CIT: variants seen among roughly 807,000 people sequenced by gnomAD.
CIT encodes the protein citron rho-interacting serine/threonine kinase.
A neutral mutation model predicts 272.7 loss-of-function variants in CIT; 79 were observed. The ratio of observed to expected loss-of-function variants is 0.29; its 90% CI spans 0.24 to 0.35. The LOEUF is 0.35. CIT is among the 10% of genes least tolerant of loss of function. The pLI, the probability that CIT is intolerant of heterozygous loss-of-function variation, is 1.00. For missense variants in CIT, 1,909 were observed against 2,618.3 expected, an observed-to-expected ratio of 0.73 and a Z score of 5.91; for synonymous variants, 948 against 995.6, an observed-to-expected ratio of 0.95 and a Z score of 0.90.
intron 9 of CIT, among the ~76,000 whole-genome samples, chr12:119,813,973 T>G (rs1014904306): frequency 3.3e-5 from 5 of 152,180 alleles, no homozygotes; most frequent in Non-Finnish European, 7.3e-5. Context: ...TCCTTTCTGC[T>G]TTGGTCACTG....
At position 119,804,352 on chromosome 12, in the gene CIT, C is replaced by A. The variant is rs1966461881; in HGVS notation, c.1112-963G>T. 2 of 985,496 alleles carry A rather than the reference C, an allele frequency of 2.0e-6. No individual in the cohort carries two copies. Among genetic ancestry groups the A allele is most frequent in the South Asian group, 4.7e-5 (1 of 21,300 alleles). 61.0% of individuals were successfully genotyped at this position (985,496 alleles called of 1,614,324 possible). Reference sequence around the variant, plus strand: ...TGGTTGCAAGCTGAGGCGTCCGTGGCGGGCCAGCCAGGCGAGTTAGAGCCG... The same window carrying A: ...TGGTTGCAAGCTGAGGCGTCCGTGGAGGGCCAGCCAGGCGAGTTAGAGCCG... On this transcript the variant is annotated intron_variant, in intron 9 of 47. Coordinates refer to ENST00000392521, the MANE Select transcript of CIT (RefSeq NM_001206999.2). The surrounding 1 kb of genome is among the most constrained non-coding windows in gnomAD (Gnocchi z 5.3).
intron 7 of CIT, 27 bp downstream of exon 7, chr12:119,832,744 A>G (rs745862253): frequency 6.4e-7 from 1 of 1,563,118 alleles, no homozygotes; most frequent in Non-Finnish European, 8.8e-7. Flanking sequence ...TATAAACTCT[A>G]TTAAGCTATC....
chr12:119,855,419 A>T (rs1970521397), intron 4 of CIT, among the ~76,000 whole-genome samples: 1 of 151,932 alleles, frequency 6.6e-6, no homozygotes. Flanking sequence ...ACTCTGTCTC[A>T]AAATAAATAA....
chr12:119,806,092 G>T (rs1376783808), intron 9 of CIT, among the ~76,000 whole-genome samples: 1 of 136,926 alleles, frequency 7.3e-6, no homozygotes, highest in Non-Finnish European at 1.5e-5. Flanking sequence ...AGCCAAGATC[G>T]TGCCACTGCA....
chr12:119,854,329 C>A (rs910968620), intron 4 of CIT, among the ~76,000 whole-genome samples: 3 of 150,688 alleles, frequency 2.0e-5, no homozygotes, highest in Admixed American at 6.6e-5. Flanking sequence ...ACCCGGCCCA[C>A]AAAATTTTTT....
chr12:119,876,267 G>A (rs1950842450), intron 1 of CIT, 86 bp from the exon 2 acceptor site: 1 of 769,264 alleles, frequency 1.3e-6, no homozygotes, highest in East Asian at 2.7e-5. Context: ...AAGATATCAG[G>A]GACAAGGAGG....
intron 19 of CIT, among the ~76,000 whole-genome samples, chr12:119,765,224 G>A (rs1441978279): frequency 6.6e-6 from 1 of 151,684 alleles, no homozygotes; most frequent in African/African-American, 2.4e-5. Context: ...AAGCCCGGGA[G>A]ACCCCATCTC....
Position 119,714,302 on chromosome 12 carries a change from G to A in CIT, c.4201C>T (p.His1401Tyr). ...ACGTTGAATCGGTGAGGAATATTGT[G>A]GTGCATGCGTTCCTTAAGACGCCGA... The part of the protein sequence containing the change: ...FSRRLKERMH[H>Y]NIPHRFNVGL... Residue 1401 changes from histidine to tyrosine, a missense_variant, in exon 33 of 48, where the codon CAC (histidine) becomes TAC (tyrosine). Physicochemically the swap from His to Tyr is moderately conservative, Grantham distance 83. Coordinates refer to ENST00000392521, the MANE Select transcript of CIT (RefSeq NM_001206999.2). 1 of 1,613,990 alleles carries A rather than the reference G, an allele frequency of 6.2e-7. No homozygotes were observed. Among genetic ancestry groups the A allele is most frequent in the African/African-American group, 1.3e-5 (1 of 74,962 alleles).
At chr12:119,735,669 A>G (rs946703150) in intron 24 of CIT, among the ~76,000 whole-genome samples, 1 of 152,210 alleles carries the variant, frequency 6.6e-6, no homozygotes, top group Non-Finnish European at 1.5e-5. Context: ...TGACGGAAAT[A>G]ATATAATGTG....
At chr12:119,757,930 G>A (rs767666868) in intron 21 of CIT, among the ~76,000 whole-genome samples, 102 of 152,254 alleles carry the variant, frequency 6.7e-4, no homozygotes, top group Non-Finnish European at 1.3e-3. Flanking sequence ...AGGCCCTGGA[G>A]AAAAAGGACT....
Position 119,784,817 on chromosome 12 carries a change from C to T in CIT, c.1401+143G>A, listed in dbSNP as rs1234674920. 7 of 1,444,674 alleles carry T rather than the reference C, an allele frequency of 4.8e-6. No homozygotes were observed. Among genetic ancestry groups the T allele is most frequent in the Non-Finnish European group, 5.5e-6 (6 of 1,099,970 alleles). 89.5% of individuals were successfully genotyped at this position (1,444,674 alleles called of 1,614,324 possible). ...TCATCTCCCTCTGAGCTGCTGGAGG[C>T]GCGACTTCAGCGAAGGCAGGAGCGC... On this transcript the variant is annotated intron_variant, in intron 11 of 47. Coordinates refer to ENST00000392521, the MANE Select transcript of CIT (RefSeq NM_001206999.2). This position sits in a 1 kb window ranked among gnomAD's most constrained non-coding sequence, Gnocchi z 4.7.
rs574700924 is a variant in CIT, at chr12:119,701,705, C to G, written c.5461G>C (p.Ala1821Pro). 2 of 1,614,186 alleles carry G rather than the reference C, an allele frequency of 1.2e-6. No homozygotes were observed. The highest frequency in any genetic ancestry group is 1.7e-5 in the Admixed American group (1 of 60,034). ...GAGACAGGGAAGCTGTTGGAAGAGGCGGCAAACACAGCAGGTGCCAAGGAA... is the reference window on the plus strand; with the variant it reads ...GAGACAGGGAAGCTGTTGGAAGAGGGGGCAAACACAGCAGGTGCCAAGGAA... ...DHSLAPAVFA[A>P]SSNSFPVSIV... is the part of the protein sequence containing the mutation. Residue 1821 changes from alanine (A) to proline (P), a missense_variant, in exon 43 of 48, where the codon GCC (alanine) becomes CCC (proline). Transcript: ENST00000392521.
At chr12:119,755,525 A>G (rs1309594309) in intron 22 of CIT, among the ~76,000 whole-genome samples, 2 of 152,352 alleles carry the variant, frequency 1.3e-5, no homozygotes, top group African/African-American at 2.4e-5. Context: ...ACTATTTTAC[A>G]TGAGACATTG....
intron 10 of CIT, among the ~76,000 whole-genome samples, chr12:119,788,238 A>AC (rs72070859): frequency 0.014 from 2,118 of 152,324 alleles, 43 homozygotes; most frequent in African/African-American, 0.048. Context: ...TAGCCAACAC[A>AC]CACACACTCT....
rs534584465 is a variant in CIT, at chr12:119,762,396, G to A, written c.2305-1341C>T. On this transcript the variant is annotated intron_variant, in intron 19 of 47. Transcript: ENST00000392521. ...TTATGAGCAAGAACAGGGTAGAATC[G>A]AGGGTATGATCATAATTATTACTAA... Among the ~76,000 whole-genome samples, 43 of 152,264 alleles carry A rather than the reference G, an allele frequency of 2.8e-4. 1 individual carries two copies. The East Asian group carries it at 3.1e-3, about 11-fold the overall frequency.
chr12:119,876,550 G>T (rs1477363311), intron 1 of CIT, among the ~76,000 whole-genome samples: 4 of 152,332 alleles, frequency 2.6e-5, no homozygotes, highest in African/African-American at 7.2e-5. Flanking sequence ...ATAGCTTGTT[G>T]TAAGGTGTTA....
At chr12:119,757,158 T>A (rs928609104) in intron 22 of CIT, among the ~76,000 whole-genome samples, 1 of 150,896 alleles carries the variant, frequency 6.6e-6, no homozygotes, top group African/African-American at 2.4e-5. Context: ...GGCCTCAGAT[T>A]CCCTGCCATA....
chr12:119,873,622 G>A (rs1036408540), intron 2 of CIT, among the ~76,000 whole-genome samples: 3 of 152,050 alleles, frequency 2.0e-5, no homozygotes, highest in South Asian at 2.1e-4. Flanking sequence ...GGGCTGAAAC[G>A]TGGCAGCACT....
rs1306381912 is a variant in CIT, at chr12:119,834,085, C to T, written c.659+1G>A. Reference sequence around the variant, plus strand: ...AAAAATGCTACCAGAGTCTCACTTACCGATGCACGTATCCCATCAGATGAA... The same window carrying T: ...AAAAATGCTACCAGAGTCTCACTTATCGATGCACGTATCCCATCAGATGAA... On this transcript the variant is annotated splice_donor_variant, in intron 6 of 47. Transcript: ENST00000392521. LOFTEE classifies it high-confidence loss of function. The T allele has an allele frequency of 1.2e-6, 2 of 1,606,088 alleles. No homozygotes were observed. The highest frequency in any genetic ancestry group is 1.7e-5 in the Admixed American group (1 of 57,482).
Sources: gnomAD v4.1 joint callset for allele counts (sites outside exome capture counted in the v4.1 genomes callset) on GRCh38, gnomAD v4.1.1 for gene constraint, Gnocchi (gnomAD v3.1) non-coding constraint, MANE v1.5 for transcripts, NCBI Gene and HGNC (gene_info 2026-07-23, HGNC 2026-07-21) for gene names.